Variants in ACTR2 observed in about 807,000 individuals in gnomAD.
ACTR2 encodes the protein actin related protein 2.
In ACTR2, 5 loss-of-function variants were observed where a neutral mutation model predicts 50.2. That is an observed-to-expected ratio of 0.10 (90% confidence interval 0.05 to 0.21). ACTR2 has a LOEUF of 0.21. ACTR2 is among the 10% of genes least tolerant of loss of function. The pLI is 1.00. For missense variants in ACTR2, 180 were observed against 480.6 expected (o/e 0.37, Z 5.85); for synonymous variants, 140 against 162.9 (o/e 0.86, Z 1.07).
At chr2:65,249,197 A>G (rs1056586605) in intron 3 of ACTR2, among the ~76,000 whole-genome samples, 128 of 152,214 alleles carry the variant, frequency 8.4e-4, no homozygotes, top group African/African-American at 2.9e-3. Flanking sequence ...TTACTGTTTA[A>G]TGTACATATT....
Position 65,269,839 on chromosome 2 carries a change from TTTTG to T in ACTR2, c.*1113_*1116del, listed in dbSNP as rs1355953964. On this transcript the variant is annotated 3_prime_UTR_variant, in exon 9 of 9. Coordinates refer to ENST00000260641, the MANE Select transcript of ACTR2 (RefSeq NM_005722.4). Reference sequence around the variant, plus strand: ...CCAATTGGGTAATTTTCATTAGTTGTTTTGTTTGTTTTGATTTGAAACCTGGAAA... The same window carrying T: ...CCAATTGGGTAATTTTCATTAGTTGTTTTGTTTTGATTTGAAACCTGGAAA... 6.6e-6 allele frequency: 1 copy of T among 152,238 alleles called. No individual in the cohort carries two copies. The highest frequency in any genetic ancestry group is 1.5e-5 in the Non-Finnish European group (1 of 68,038). The allele number at this position is 152,238 out of a possible 1,614,324, so 9.4% of individuals were successfully genotyped here.
In ACTR2 at chr2:65,268,770, T is replaced by C. The variant is rs188171224; in HGVS notation, c.*36T>C. ...TTGTTCCCGTCATACCCGTAATGCT[T>C]TCTTTTTTCCTTTATTGCCAATCTT... On this transcript the variant is annotated 3_prime_UTR_variant, in exon 9 of 9. Transcript: ENST00000260641. 8.9e-4 allele frequency: 1,421 copies of C among 1,590,388 alleles called. 2 individuals carry two copies. Among genetic ancestry groups the C allele is most frequent in the Non-Finnish European group, 9.3e-4 (1,083 of 1,168,086 alleles).
At chr2:65,249,834 G>C (rs754528474) in intron 3 of ACTR2, among the ~76,000 whole-genome samples, 2 of 152,212 alleles carry the variant, frequency 1.3e-5, no homozygotes, top group Non-Finnish European at 2.9e-5. Flanking sequence ...TTACAGTCTT[G>C]ATTCAAGTAG....
At chr2:65,242,011 C>A in intron 2 of ACTR2, 1 of 1,593,926 alleles carries the variant, frequency 6.3e-7, no homozygotes, top group Non-Finnish European at 8.6e-7. Context: ...CTTACTTCTA[C>A]CTTCTCTCTC....
At chr2:65,241,063 T>C (rs1480803781) in intron 2 of ACTR2, among the ~76,000 whole-genome samples, 3 of 151,558 alleles carry the variant, frequency 2.0e-5, no homozygotes. Flanking sequence ...ACAAAAAAAA[T>C]AAAATGGGAC....
At chr2:65,266,863 G>A (rs1291255427) in intron 8 of ACTR2, among the ~76,000 whole-genome samples, 1 of 152,174 alleles carries the variant, frequency 6.6e-6, no homozygotes, top group East Asian at 1.9e-4. Context: ...TTCCTATCTT[G>A]TTCAGCTGCT....
chr2:65,267,862 C>CTTTTTTTTTTTTTTTTTTTTTTTTT lies in ACTR2; in HGVS notation c.1015-698_1015-674dup, dbSNP rs70943640. On this transcript the variant is annotated intron_variant, in intron 8 of 8. Transcript: ENST00000260641. ...ACCTTGAAGAAGTCATGCAAGTCCT[C>CTTTTTTTTTTTTTTTTTTTTTTTTT]TTTTTTTTTTTTTTTTTTTTTTTTT... 6.3e-4 allele frequency among the ~76,000 whole-genome samples: 30 copies of CTTTTTTTTTTTTTTTTTTTTTTTTT among 47,412 alleles called. 8 individuals are homozygous for CTTTTTTTTTTTTTTTTTTTTTTTTT. Among genetic ancestry groups the CTTTTTTTTTTTTTTTTTTTTTTTTT allele is most frequent in the Non-Finnish European group, 1.1e-3 (28 of 26,196 alleles). The allele number at this position is 47,412 out of a possible 152,430, so 31.1% of individuals were successfully genotyped here. A position where few individuals can be genotyped will look rare whatever the true frequency, so the allele number is the denominator to read the frequency against.
intron 7 of ACTR2, among the ~76,000 whole-genome samples, chr2:65,263,640 T>A (rs1463627719): frequency 1.3e-5 from 2 of 152,230 alleles, no homozygotes; most frequent in African/African-American, 4.8e-5. Flanking sequence ...TGGTAGAAGA[T>A]GATCAGAAAT....
At chr2:65,232,383 T>C (rs551663814) in intron 1 of ACTR2, among the ~76,000 whole-genome samples, 4 of 152,366 alleles carry the variant, frequency 2.6e-5, no homozygotes, top group African/African-American at 9.6e-5. Context: ...GTAATTGACA[T>C]TTGTAGTTGA....
At chr2:65,250,370 AG>A (rs1488452035) in intron 3 of ACTR2, among the ~76,000 whole-genome samples, 2 of 148,592 alleles carry the variant, frequency 1.3e-5, no homozygotes, top group Non-Finnish European at 3.0e-5. Flanking sequence ...TCTCAAAAAA[AG>A]AAAAAAAAAA....
At chr2:65,232,154 T>A (rs1189478174) in intron 1 of ACTR2, among the ~76,000 whole-genome samples, 1 of 152,142 alleles carries the variant, frequency 6.6e-6, no homozygotes, top group Admixed American at 6.6e-5. Context: ...AATCTGGAGG[T>A]CTGTGAAACT....
chr2:65,251,368 A>C (rs1247554991), intron 4 of ACTR2, among the ~76,000 whole-genome samples: 1 of 152,118 alleles, frequency 6.6e-6, no homozygotes, highest in Non-Finnish European at 1.5e-5. Flanking sequence ...TAAGCTATTT[A>C]AATTTTTTTT....
chr2:65,246,020 T>G (rs896166962), intron 2 of ACTR2, among the ~76,000 whole-genome samples: 4 of 152,170 alleles, frequency 2.6e-5, no homozygotes, highest in African/African-American at 9.7e-5. Flanking sequence ...TATGTATGCA[T>G]TATTATAGAG....
chr2:65,264,585 T>C (rs1297080761), intron 7 of ACTR2, among the ~76,000 whole-genome samples: 1 of 152,076 alleles, frequency 6.6e-6, no homozygotes, highest in Admixed American at 6.6e-5. Flanking sequence ...CACATCAGTC[T>C]AGCCAAAAAT....
chr2:65,239,391 T>G (rs1278065911), intron 1 of ACTR2, among the ~76,000 whole-genome samples: 3 of 152,154 alleles, frequency 2.0e-5, no homozygotes, highest in Non-Finnish European at 4.4e-5. Context: ...GAGGCGGAGG[T>G]TGCAGTGAGC....
chr2:65,234,915 A>C (rs184242845), intron 1 of ACTR2, among the ~76,000 whole-genome samples: 1 of 152,304 alleles, frequency 6.6e-6, no homozygotes, highest in East Asian at 1.9e-4. Context: ...ACTTTTGACT[A>C]TATCTGTTTA....
At chr2:65,263,873 G>A (rs1174810002) in intron 7 of ACTR2, among the ~76,000 whole-genome samples, 1 of 152,132 alleles carries the variant, frequency 6.6e-6, no homozygotes, top group Non-Finnish European at 1.5e-5. Context: ...GGCCAAAATG[G>A]TGAAACCCCG....
chr2:65,253,260 C>T (rs1459505750), intron 4 of ACTR2, among the ~76,000 whole-genome samples: 5 of 151,892 alleles, frequency 3.3e-5, no homozygotes, highest in African/African-American at 7.3e-5. Context: ...GGCAACATGG[C>T]GAAACTCTGT....
In ACTR2 at chr2:65,261,262, A is replaced by C; in HGVS notation, c.751A>C (p.Ile251Leu). 2.5e-6 allele frequency: 4 copies of C among 1,614,096 alleles called. No individual in the cohort carries two copies. Among genetic ancestry groups the C allele is most frequent in the Non-Finnish European group, 3.4e-6 (4 of 1,180,008 alleles). Residue 251 changes from isoleucine (I) to leucine (L), a missense_variant, in exon 7 of 9, where the codon ATC becomes CTC. Coordinates refer to ENST00000260641, the MANE Select transcript of ACTR2 (RefSeq NM_005722.4). ...VESYTLPDGR[I>L]IKVGGERFEA... ...TGGTTTCTAGCTCCCAGATGGACGTATCATCAAAGTTGGGGGAGAGAGATT... is the reference window on the plus strand; with the variant it reads ...TGGTTTCTAGCTCCCAGATGGACGTCTCATCAAAGTTGGGGGAGAGAGATT...
Sources: gnomAD v4.1 joint callset for allele counts (sites outside exome capture counted in the v4.1 genomes callset) on GRCh38, gnomAD v4.1.1 for gene constraint, MANE v1.5 for transcripts, NCBI Gene and HGNC (gene_info 2026-07-23, HGNC 2026-07-21) for gene names.